WNK3: variants seen among roughly 807,000 people sequenced by gnomAD.
WNK3 encodes serine/threonine-protein kinase WNK3.
A neutral mutation model predicts 116.7 loss-of-function variants in WNK3; 18 were observed. The ratio of observed to expected loss-of-function variants is 0.15; its 90% CI spans 0.11 to 0.23. The LOEUF is 0.23. Ranked by LOEUF, WNK3 falls within the 10% of genes least tolerant of loss-of-function variation. WNK3 has a pLI of 1.00. For missense variants in WNK3, 993 were observed against 1,323.8 expected, an observed-to-expected ratio of 0.75 and a Z score of 3.88; for synonymous variants, 404 against 469.4, an observed-to-expected ratio of 0.86 and a Z score of 1.80.
Position 54,251,466 on chromosome X carries a change from A to AT in WNK3, c.2524-17dup. 1 of 1,191,289 alleles carries AT rather than the reference A, an allele frequency of 8.4e-7. No homozygotes were observed. Among genetic ancestry groups the AT allele is most frequent in the Non-Finnish European group, 1.1e-6 (1 of 881,337 alleles). On this transcript the variant is annotated splice_polypyrimidine_tract_variant and intron_variant, in intron 14 of 23. Transcript: ENST00000354646. ...ATGACCCTGTCTGAATTAAAAATGA[A>AT]TAGATAAATTAAAAAGTTCCTGATT...
intron 3 of WNK3, among the ~76,000 whole-genome samples, chrX:54,309,644 T>C (rs1243218946): frequency 9.0e-6 from 1 of 111,549 alleles, no homozygotes; most frequent in Non-Finnish European, 1.9e-5. Flanking sequence ...GTGATTCTCA[T>C]GCCTCAGCCT....
intron 10 of WNK3, among the ~76,000 whole-genome samples, chrX:54,277,404 C>T (rs1258439822): frequency 9.3e-6 from 1 of 107,710 alleles, no homozygotes; most frequent in African/African-American, 3.4e-5. Context: ...GTGGTACGAT[C>T]TCGGCTCACT....
At position 54,243,408 on chromosome X, in the gene WNK3, G is replaced by A. The variant is rs782288526; in HGVS notation, c.3652-4309C>T. Among the ~76,000 whole-genome samples the A allele has an allele frequency of 4.0e-3, 325 of 80,700 alleles. 4 individuals are homozygous for A. The highest frequency in any genetic ancestry group is 0.018 in the Middle Eastern group (2 of 110). 70.1% of individuals were successfully genotyped at this position (80,700 alleles called of 115,157 possible). On this transcript the variant is annotated intron_variant, in intron 17 of 23. Transcript: ENST00000354646. ...TACAGTCCGGCCTGGGCGAAAGTGC[G>A]AGACTCCGTCTCAAAAAAAAAAAAA...
exon 23 of WNK3, chrX:54,202,001 T>A (rs2067505417): frequency 8.3e-7 from 1 of 1,209,375 alleles, no homozygotes. Context: ...TTCAGATACT[T>A]TATTCCAGTT....
At chrX:54,338,533 G>A (rs2069274462) in intron 1 of WNK3, among the ~76,000 whole-genome samples, 1 of 108,661 alleles carries the variant, frequency 9.2e-6, no homozygotes, top group Admixed American at 1.0e-4. Context: ...GCTGCAGTAA[G>A]CCACTACAGT....
At chrX:54,294,467 T>A in intron 8 of WNK3, 86 bp downstream of exon 8, 1 of 738,707 alleles carries the variant, frequency 1.4e-6, no homozygotes, top group Non-Finnish European at 1.9e-6. Context: ...ACAAAATAGG[T>A]CATTGACCAC....
intron 10 of WNK3, among the ~76,000 whole-genome samples, chrX:54,270,619 G>T (rs2068372014): frequency 4.6e-5 from 5 of 108,447 alleles, no homozygotes; most frequent in Non-Finnish European, 9.5e-5. Flanking sequence ...AGAACGTGCA[G>T]GTTTGTTACG....
Position 54,333,797 on chromosome X carries a change from A to AG in WNK3, c.-119-6dup, listed in dbSNP as rs782330569. The AG allele has an allele frequency of 1.1e-5, 5 of 469,520 alleles. No individual in the cohort carries two copies. The highest frequency in any genetic ancestry group is 2.4e-5 in the African/African-American group (1 of 41,798). The allele number at this position is 469,520 out of a possible 1,213,427, so 38.7% of individuals were successfully genotyped here. A position where few individuals can be genotyped will look rare whatever the true frequency, so the allele number is the denominator to read the frequency against. ...GTCATGTATTTCCATAGCAACCTGA[A>AG]GGGGGGGAAAAAGATATTTTAAAAT... On this transcript the variant is annotated splice_region_variant and splice_polypyrimidine_tract_variant and intron_variant, in intron 1 of 23. Coordinates refer to ENST00000354646, the Ensembl canonical transcript of WNK3.
At chrX:54,309,737 G>A (rs894677540) in intron 3 of WNK3, among the ~76,000 whole-genome samples, 6 of 111,536 alleles carry the variant, frequency 5.4e-5, no homozygotes, top group African/African-American at 2.0e-4. Context: ...TCACCATGTG[G>A]GCCAGGCTGG....
chrX:54,246,832 C>A (rs1033850840), intron 17 of WNK3, among the ~76,000 whole-genome samples: 9 of 111,863 alleles, frequency 8.0e-5, no homozygotes, highest in Non-Finnish European at 1.5e-4. Flanking sequence ...AGTGCAGATA[C>A]AGAACATTTC....
At chrX:54,250,456 G>T (rs1383445846) in intron 15 of WNK3, among the ~76,000 whole-genome samples, 1 of 111,904 alleles carries the variant, frequency 8.9e-6, no homozygotes, top group Non-Finnish European at 1.9e-5. Flanking sequence ...TCCTGATTAT[G>T]ATAGTGCTTA....
At chrX:54,269,912 G>T (rs1236904892) in intron 10 of WNK3, among the ~76,000 whole-genome samples, 6 of 110,234 alleles carry the variant, frequency 5.4e-5, no homozygotes, top group Non-Finnish European at 7.6e-5. Context: ...AAAAAAATTT[G>T]AAGAACAGCT....
intron 20 of WNK3, among the ~76,000 whole-genome samples, chrX:54,234,954 A>AC (rs1219591211): frequency 8.9e-6 from 1 of 112,338 alleles, no homozygotes; most frequent in Non-Finnish European, 1.9e-5. Flanking sequence ...ACTGTATAGT[A>AC]CTTAATATAT....
intron 22 of WNK3, among the ~76,000 whole-genome samples, chrX:54,217,297 G>A (rs201154145): frequency 5.4e-5 from 4 of 74,578 alleles, no homozygotes; most frequent in African/African-American, 5.5e-5. Context: ...CAGCCTGGGC[G>A]ACAGAGCAAG....
rs6611672 is a variant in WNK3, at chrX:54,285,601, A to G, written c.2037+7287T>C. On this transcript the variant is annotated intron_variant, in intron 10 of 23. Transcript: ENST00000354646. ...TGTTTATTGGAACACAGCCGCGCCT[A>G]TTTGTTTACATATTTATGGTTGTTT... is the stretch of plus-strand genomic sequence containing the variant. Among the ~76,000 whole-genome samples the G allele has an allele frequency of 3.5e-3, 388 of 111,939 alleles. 14 individuals are homozygous for G. In the East Asian group the frequency reaches 0.09, roughly 26 times the overall value.
intron 1 of WNK3, among the ~76,000 whole-genome samples, chrX:54,355,757 A>G (rs2069585765): frequency 9.0e-6 from 1 of 111,462 alleles, no homozygotes; most frequent in Non-Finnish European, 1.9e-5. Context: ...CAAATATACC[A>G]TGCTTACACT....
intron 10 of WNK3, among the ~76,000 whole-genome samples, chrX:54,264,536 A>G (rs1018940356): frequency 7.2e-5 from 8 of 110,374 alleles, no homozygotes; most frequent in Non-Finnish European, 1.9e-5. Context: ...AACTCACATA[A>G]TGACATCCAG....
At chrX:54,215,786 C>T (rs1168606317) in intron 22 of WNK3, among the ~76,000 whole-genome samples, 1 of 111,453 alleles carries the variant, frequency 9.0e-6, no homozygotes, top group East Asian at 2.8e-4. Flanking sequence ...GAAGTGTACT[C>T]AACAGCTCAT....
chrX:54,319,326 C>G (rs1557171664), intron 2 of WNK3, among the ~76,000 whole-genome samples: 1 of 110,418 alleles, frequency 9.1e-6, no homozygotes, highest in South Asian at 3.9e-4. Context: ...CCACACCCAG[C>G]TGATTTTTGT....
Sources: allele counts gnomAD v4.1 joint callset (sites outside exome capture counted in the v4.1 genomes callset), GRCh38; gene constraint gnomAD v4.1.1; transcripts MANE v1.5; gene names NCBI Gene and HGNC (gene_info 2026-07-23, HGNC 2026-07-21).